VPS13B: variants seen among roughly 807,000 people sequenced by gnomAD.
VPS13B encodes vacuolar protein sorting 13 homolog B, also known as intermembrane lipid transfer protein VPS13B.
A neutral mutation model predicts 426.4 loss-of-function variants in VPS13B; 285 were observed. The ratio of observed to expected loss-of-function variants is 0.67; its 90% CI spans 0.61 to 0.74. VPS13B has a LOEUF of 0.74. VPS13B is among the 30% of genes least tolerant of loss of function. The probability of loss-of-function intolerance (pLI) is 0.00; values close to 1 mark genes in which losing one functional copy is unlikely to be tolerated. For missense variants in VPS13B, 4,537 were observed against 4,782.6 expected (o/e 0.95, Z 1.51); for synonymous variants, 1,676 against 1,676.4 (o/e 1.00, Z 0.01).
chr8:99,411,940 T>C lies in VPS13B; in HGVS notation c.3083-19597T>C, dbSNP rs996042475. 2.6e-5 allele frequency among the ~76,000 whole-genome samples: 4 copies of C among 152,360 alleles called. No individual in the cohort carries two copies. The East Asian group carries it at 7.7e-4, about 29-fold the overall frequency. On this transcript the variant is annotated intron_variant, in intron 21 of 61. Coordinates refer to ENST00000357162, the MANE Select transcript of VPS13B (RefSeq NM_152564.5). ...GTTTTGGTACCAGCACCATGCTGTT[T>C]GGTTACTGTAGCCTTGTAGGATAGT...
chr8:99,023,213 T>C (rs1841983805), intron 2 of VPS13B, among the ~76,000 whole-genome samples: 1 of 151,886 alleles, frequency 6.6e-6, no homozygotes, highest in Non-Finnish European at 1.5e-5. Flanking sequence ...AGCTGTAATT[T>C]TGTATCTGTT....
At chr8:99,315,859 A>G (rs1412865988) in intron 19 of VPS13B, among the ~76,000 whole-genome samples, 1 of 152,082 alleles carries the variant, frequency 6.6e-6, no homozygotes, top group Non-Finnish European at 1.5e-5. Context: ...GGGAGGTGTC[A>G]TATTTCTTTG....
At chr8:99,169,048 A>C (rs556307108) in intron 15 of VPS13B, among the ~76,000 whole-genome samples, 17 of 152,142 alleles carry the variant, frequency 1.1e-4, no homozygotes, top group African/African-American at 3.6e-4. Flanking sequence ...CTCATTAAAT[A>C]GTATTTTGAA....
intron 16 of VPS13B, among the ~76,000 whole-genome samples, chr8:99,185,081 A>C (rs144433499): frequency 7.9e-5 from 12 of 152,374 alleles, no homozygotes; most frequent in Non-Finnish European, 1.6e-4. Flanking sequence ...GCGTGATATC[A>C]TGTATGCATT....
At position 99,809,381 on chromosome 8, in the gene VPS13B, C is replaced by T. The variant is rs1414840599; in HGVS notation, c.7948C>T (p.His2650Tyr). The T allele has an allele frequency of 1.2e-6, 2 of 1,613,818 alleles. No individual in the cohort carries two copies. The highest frequency in any genetic ancestry group is 2.2e-5 in the South Asian group (2 of 91,090). Residue 2650 changes from histidine to tyrosine, a missense_variant, in exon 44 of 62, where the codon CAC (histidine) becomes TAC (tyrosine). Physicochemically the swap from His to Tyr is moderately conservative, Grantham distance 83. Transcript: ENST00000357162. ...TTATTGTTTTTTTCTCCAGCTGTTA[C>T]ACATCTGTATTGAAGGTTGGGGCAA... ...WRSHKSPQLL[H>Y]ICIEGWGNWR... is the part of the protein sequence containing the mutation.
chr8:99,765,369 T>C (rs549252944), intron 39 of VPS13B, among the ~76,000 whole-genome samples: 1 of 152,236 alleles, frequency 6.6e-6, no homozygotes, highest in Non-Finnish European at 1.5e-5. Context: ...TGAGTATTGG[T>C]GAAGTTGAGT....
At chr8:99,418,515 C>CTTTCTTTCTTG (rs1554779655) in intron 21 of VPS13B, among the ~76,000 whole-genome samples, 2 of 82,164 alleles carry the variant, frequency 2.4e-5, no homozygotes, top group African/African-American at 9.8e-5. Flanking sequence ...TTCTTTCTTT[C>CTTTCTTTCTTG]CTTTCTTTCT....
At chr8:99,427,354 T>G (rs1200662137) in intron 21 of VPS13B, among the ~76,000 whole-genome samples, 2 of 135,884 alleles carry the variant, frequency 1.5e-5, no homozygotes, top group Admixed American at 7.7e-5. Flanking sequence ...GTGTGATGCC[T>G]CCAGCTTTGT....
intron 40 of VPS13B, among the ~76,000 whole-genome samples, chr8:99,774,348 C>G (rs190949992): frequency 1.3e-5 from 2 of 152,198 alleles, no homozygotes; most frequent in African/African-American, 4.8e-5. Flanking sequence ...TTTTATGATT[C>G]AGGAGCTACT....
At chr8:99,573,101 C>A (rs184948751) in intron 31 of VPS13B, among the ~76,000 whole-genome samples, 124 of 152,286 alleles carry the variant, frequency 8.1e-4, no homozygotes, top group African/African-American at 2.8e-3. Context: ...TAAATGTCTT[C>A]TTTTGAGAAG....
At chr8:99,234,519 G>A in intron 17 of VPS13B, 2 of 500,268 alleles carry the variant, frequency 4.0e-6, no homozygotes, top group Non-Finnish European at 4.0e-6. Flanking sequence ...GCTTCCGCGG[G>A]GTTGGGGTTC....
chr8:99,231,340 T>C (rs1436771424), intron 17 of VPS13B, among the ~76,000 whole-genome samples: 1 of 152,170 alleles, frequency 6.6e-6, no homozygotes, highest in Non-Finnish European at 1.5e-5. Flanking sequence ...AGAACACTGT[T>C]TGCAGTAGAG....
chr8:99,292,693 T>C (rs1819797202), intron 19 of VPS13B, among the ~76,000 whole-genome samples: 1 of 152,134 alleles, frequency 6.6e-6, no homozygotes, highest in South Asian at 2.1e-4. Context: ...GCAAATAATT[T>C]AGATATCATA....
At chr8:99,135,516 C>A in intron 10 of VPS13B, 80 bp from the exon 11 acceptor site, 1 of 1,515,406 alleles carries the variant, frequency 6.6e-7, no homozygotes, top group Non-Finnish European at 9.0e-7. Flanking sequence ...AGTAAATGGG[C>A]ATCATAAAAT....
At chr8:99,455,125 A>G (rs1450305915) in intron 23 of VPS13B, among the ~76,000 whole-genome samples, 1 of 152,152 alleles carries the variant, frequency 6.6e-6, no homozygotes, top group Non-Finnish European at 1.5e-5. Context: ...CCAGCTTATC[A>G]GTTCTTTCTT....
chr8:99,037,056 T>C (rs1169637199), intron 2 of VPS13B, among the ~76,000 whole-genome samples: 1 of 152,160 alleles, frequency 6.6e-6, no homozygotes, highest in Admixed American at 6.5e-5. Context: ...TAAATGATTG[T>C]ATACGAGTAA....
chr8:99,096,749 C>G (rs558246483), intron 4 of VPS13B, among the ~76,000 whole-genome samples: 1 of 78,944 alleles, frequency 1.3e-5, no homozygotes, highest in Admixed American at 1.1e-4. Flanking sequence ...GAGTGATACT[C>G]TGTCTCAAAA....
chr8:99,536,012 C>T (rs994707416), intron 30 of VPS13B, among the ~76,000 whole-genome samples: 1 of 150,540 alleles, frequency 6.6e-6, no homozygotes, highest in African/African-American at 2.5e-5. Context: ...TGTAATGGCA[C>T]GATCTTGGCT....
intron 24 of VPS13B, among the ~76,000 whole-genome samples, chr8:99,478,517 G>A (rs565747288): frequency 2.2e-5 from 3 of 135,714 alleles, no homozygotes; most frequent in African/African-American, 5.6e-5. Flanking sequence ...GTGTGGTCTC[G>A]GCTAACTGCA....
Sources: allele counts gnomAD v4.1 joint callset (sites outside exome capture counted in the v4.1 genomes callset), GRCh38; gene constraint gnomAD v4.1.1; transcripts MANE v1.5; gene names NCBI Gene and HGNC (gene_info 2026-07-23, HGNC 2026-07-21).